Variants in RUFY2 observed in about 807,000 individuals in gnomAD.
RUFY2 encodes the protein RUN and FYVE domain-containing protein 2.
In RUFY2, 49 loss-of-function variants were observed where a neutral mutation model predicts 94.4. That is an observed-to-expected ratio of 0.52 (90% CI 0.41 to 0.66). The LOEUF is 0.66. Ranked by LOEUF, RUFY2 falls within the 30% of genes least tolerant of loss-of-function variation. The pLI is 0.00. For missense variants in RUFY2, 541 were observed against 692.8 expected (o/e 0.78, Z 2.46); for synonymous variants, 255 against 235.7 (o/e 1.08, Z -0.75).
intron 7 of RUFY2, among the ~76,000 whole-genome samples, chr10:68,390,731 G>T (rs1186071973): frequency 2.0e-5 from 3 of 151,930 alleles, no homozygotes; most frequent in African/African-American, 7.3e-5. Flanking sequence ...AAGTAGCTAG[G>T]ACTATAGACA....
chr10:68,370,493 A>G (rs1749198204), intron 13 of RUFY2, among the ~76,000 whole-genome samples: 1 of 149,962 alleles, frequency 6.7e-6, no homozygotes, highest in Admixed American at 6.7e-5. Flanking sequence ...TGAAATAAAA[A>G]TAAATTAGCC....
At chr10:68,341,491 A>G (rs543208028), downstream of RUFY2, 49 of 1,032,874 alleles carry the variant, frequency 4.7e-5, no homozygotes, top group Non-Finnish European at 6.9e-5. Context: ...ACTTTGTTTA[A>G]TATTACTTAA....
At chr10:68,378,537 T>G (rs746725563) in intron 12 of RUFY2, 21 of 1,528,604 alleles carry the variant, frequency 1.4e-5, no homozygotes, top group Non-Finnish European at 1.8e-5. Flanking sequence ...TCTTTTCATT[T>G]AGTCTGTTTA....
chr10:68,389,962 A>G (rs2049856226), intron 7 of RUFY2, among the ~76,000 whole-genome samples: 1 of 152,190 alleles, frequency 6.6e-6, no homozygotes, highest in Admixed American at 6.5e-5. Flanking sequence ...ACTTGTGAAG[A>G]GGGAAACTAG....
chr10:68,355,341 C>T lies in RUFY2; in HGVS notation c.1599+12G>A, dbSNP rs1459732756. 5.0e-6 allele frequency: 8 copies of T among 1,601,496 alleles called. No individual in the cohort carries two copies. The highest frequency in any genetic ancestry group is 2.2e-5 in the East Asian group (1 of 44,784). ...CACATACCTTCCCACTTTAGGAAAACGTTCTACTCACCTGCAATGCTTTGT... is the reference window on the plus strand; with the variant it reads ...CACATACCTTCCCACTTTAGGAAAATGTTCTACTCACCTGCAATGCTTTGT... On this transcript the variant is annotated intron_variant, in intron 16 of 17. Transcript: ENST00000602465.
rs199759036 is a variant in RUFY2, at chr10:68,406,759, C to T, written c.4+427G>A. On this transcript the variant is annotated intron_variant, in intron 1 of 17. Transcript: ENST00000602465. ...GACCATCGCGGCGGGCTCACCCAGGCTCCTGCGCGTCAGCATTCCCCGTCT... is the reference window on the plus strand; with the variant it reads ...GACCATCGCGGCGGGCTCACCCAGGTTCCTGCGCGTCAGCATTCCCCGTCT... 177 of 1,610,082 alleles carry T rather than the reference C, an allele frequency of 1.1e-4. 1 individual carries two copies. In the African/African-American group the frequency reaches 2.0e-3, roughly 19 times the overall value.
At position 68,383,858 on chromosome 10, in the gene RUFY2, C is replaced by T; in HGVS notation, c.879G>A (p.Gly293=). 1 of 1,613,948 alleles carries T rather than the reference C, an allele frequency of 6.2e-7. No individual in the cohort carries two copies. Among genetic ancestry groups the T allele is most frequent in the Non-Finnish European group, 8.5e-7 (1 of 1,179,988 alleles). Residue 293 remains glycine, a synonymous_variant, in exon 10 of 18, where the codon GGG becomes GGA. Transcript: ENST00000602465. ...TGGCTTCATTGTACATTTCATCTAG[C>T]CCCTGACGAGAATGCTTATATGTTT... ...ELQTYKHSRQ[G]LDEMYNEARR... is the part of the protein sequence containing the mutation.
At chr10:68,376,752 A>G in intron 13 of RUFY2, 101 bp downstream of exon 13, 1 of 1,158,992 alleles carries the variant, frequency 8.6e-7, no homozygotes, top group Admixed American at 2.2e-5. Context: ...GCTAACTGGC[A>G]TCATTAGATA....
At chr10:68,366,655 T>C (rs1205284215) in intron 13 of RUFY2, among the ~76,000 whole-genome samples, 3 of 148,392 alleles carry the variant, frequency 2.0e-5, no homozygotes, top group South Asian at 2.1e-4. Context: ...GGCACGAGAA[T>C]TGCTTGAACC....
In RUFY2 at chr10:68,406,830, T is replaced by G; in HGVS notation, c.4+356A>C. 3 of 1,612,116 alleles carry G rather than the reference T, an allele frequency of 1.9e-6. No homozygotes were observed. In the African/African-American group the frequency reaches 4.0e-5, roughly 22 times the overall value. The stretch of plus-strand genomic sequence containing the variant: ...CCCAGGCCAAAACCTGAGATGCGTC[T>G]TCCCTCCGCCACCCCCAAACCTGAA... On this transcript the variant is annotated intron_variant, in intron 1 of 17. Coordinates refer to ENST00000602465, the MANE Select transcript of RUFY2 (RefSeq NM_001330103.2).
Position 68,355,348 on chromosome 10 carries a change from C to T in RUFY2, c.1599+5G>A, listed in dbSNP as rs1251941197. ...CTTCCCACTTTAGGAAAACGTTCTA[C>T]TCACCTGCAATGCTTTGTTGGCTTC... On this transcript the variant is annotated splice_donor_5th_base_variant and intron_variant, in intron 16 of 17. Coordinates refer to ENST00000602465, the MANE Select transcript of RUFY2 (RefSeq NM_001330103.2). The T allele has an allele frequency of 6.2e-7, 1 of 1,608,234 alleles. No individual in the cohort carries two copies. The highest frequency in any genetic ancestry group is 8.5e-7 in the Non-Finnish European group (1 of 1,175,458).
chr10:68,372,003 C>T (rs2048312279), intron 13 of RUFY2, among the ~76,000 whole-genome samples: 1 of 152,136 alleles, frequency 6.6e-6, no homozygotes, highest in African/African-American at 2.4e-5. Context: ...AAAAGAATGG[C>T]TAAAGAGCTG....
chr10:68,375,979 A>G (rs1016576705), intron 13 of RUFY2, among the ~76,000 whole-genome samples: 23 of 151,964 alleles, frequency 1.5e-4, no homozygotes, highest in African/African-American at 5.1e-4. Context: ...ACAAGCCTGT[A>G]GTCCCAGCTA....
At chr10:68,349,805 T>A (rs1041473251) in intron 16 of RUFY2, among the ~76,000 whole-genome samples, 40 of 152,088 alleles carry the variant, frequency 2.6e-4, no homozygotes, top group African/African-American at 9.4e-4. Flanking sequence ...CCCAAAGTGC[T>A]GGGATTACAG....
downstream of RUFY2, chr10:68,341,915 A>G (rs1589730123): frequency 8.2e-6 from 13 of 1,587,804 alleles, no homozygotes; most frequent in Non-Finnish European, 9.5e-6. Context: ...AAGTGCAGGT[A>G]TTACTTTTAT....
chr10:68,393,811 CA>C, intron 6 of RUFY2: 1 of 486,950 alleles, frequency 2.1e-6, no homozygotes, highest in Non-Finnish European at 3.2e-6. Flanking sequence ...TCTTTTATTC[CA>C]AAAAACCACT....
chr10:68,390,532 G>A (rs2049895986), intron 7 of RUFY2, among the ~76,000 whole-genome samples: 1 of 152,150 alleles, frequency 6.6e-6, no homozygotes, highest in African/African-American at 2.4e-5. Flanking sequence ...ACTTAAAAAT[G>A]TGGCTAGTCC....
intron 12 of RUFY2, chr10:68,377,242 G>A: frequency 7.8e-7 from 1 of 1,277,852 alleles, no homozygotes; most frequent in Non-Finnish European, 9.9e-7. Flanking sequence ...ACAGTGCAAA[G>A]CAATACAGCC....
intron 3 of RUFY2, among the ~76,000 whole-genome samples, chr10:68,399,333 C>T (rs1439962863): frequency 6.6e-6 from 1 of 152,166 alleles, no homozygotes; most frequent in Non-Finnish European, 1.5e-5. Flanking sequence ...GCGTGAGCCA[C>T]CACACCCAGC....
Sources: gnomAD v4.1 joint callset for allele counts (sites outside exome capture counted in the v4.1 genomes callset) on GRCh38, gnomAD v4.1.1 for gene constraint, MANE v1.5 for transcripts, NCBI Gene and HGNC (gene_info 2026-07-23, HGNC 2026-07-21) for gene names.